The following RRP7A variants were observed in gnomAD, a reference collection of about 807,000 sequenced individuals.
The protein encoded by RRP7A is ribosomal RNA-processing protein 7 homolog A.
In RRP7A, 27 loss-of-function variants were observed where a neutral mutation model predicts 38.4. The ratio of observed to expected loss-of-function variants is 0.70; its 90% CI spans 0.52 to 0.97. The LOEUF (loss-of-function observed/expected upper bound fraction) is 0.97. Among genes scored for constraint, RRP7A ranks in the 50% least tolerant of loss-of-function variants. The pLI, the probability that RRP7A is intolerant of heterozygous loss-of-function variation, is 0.00. For synonymous variants in RRP7A, 124 were observed against 150.3 expected (o/e 0.83, Z 1.28); for missense variants, 327 against 375.4 (o/e 0.87, Z 1.07).
rs1323513770 is a variant in RRP7A, at chr22:42,512,475, G to C, written c.*435C>G. The C allele has an allele frequency of 1.7e-6, 1 of 574,188 alleles. No individual in the cohort carries two copies. The highest frequency in any genetic ancestry group is 3.1e-6 in the Non-Finnish European group (1 of 324,518). The allele number at this position is 574,188 out of a possible 1,614,324, so 35.6% of individuals were successfully genotyped here. A position where few individuals can be genotyped will look rare whatever the true frequency, so the allele number is the denominator to read the frequency against. Reference sequence around the variant, plus strand: ...TCTCCTGGCTAATAATCTCCAGCCAGCTGGAGGAAGGAAGGGCGGGCTGGG... The same window carrying C: ...TCTCCTGGCTAATAATCTCCAGCCACCTGGAGGAAGGAAGGGCGGGCTGGG... On this transcript the variant is annotated 3_prime_UTR_variant, in exon 7 of 7. Transcript: ENST00000323013.
Position 42,511,821 on chromosome 22 carries a change from C to A in RRP7A, c.*1089G>T. On this transcript the variant is annotated 3_prime_UTR_variant, in exon 7 of 7. Coordinates refer to ENST00000323013, the MANE Select transcript of RRP7A (RefSeq NM_015703.5). ...TCATTATCTTTTCTCACGAGGACTA[C>A]TTCGGATACAATCACAGCAACCCTG... 1 of 399,936 alleles carries A rather than the reference C, an allele frequency of 2.5e-6. No homozygotes were observed. The highest frequency in any genetic ancestry group is 4.7e-6 in the Non-Finnish European group (1 of 214,492). The allele number at this position is 399,936 out of a possible 1,614,324, so 24.8% of individuals were successfully genotyped here. A position where few individuals can be genotyped will look rare whatever the true frequency, so the allele number is the denominator to read the frequency against.
In RRP7A at chr22:42,514,487, C is replaced by A. The variant is rs191701695; in HGVS notation, c.559-183G>T. Among the ~76,000 whole-genome samples the A allele has an allele frequency of 3.8e-3, 576 of 152,234 alleles. 9 individuals carry two copies. Among genetic ancestry groups the A allele is most frequent in the African/African-American group, 0.013 (558 of 41,548 alleles). On this transcript the variant is annotated intron_variant, in intron 5 of 6. Transcript: ENST00000323013. ...GAGGGCACGGACCTGCCGGCACTGC[C>A]TCCTTCTCCACTGTAGGACATGTGG...
In RRP7A at chr22:42,511,651, G is replaced by C. The variant is rs1418100785; in HGVS notation, c.*1259C>G. On this transcript the variant is annotated 3_prime_UTR_variant, in exon 7 of 7. Transcript: ENST00000323013. ...ACTTACACCTGACCCTGGGGCCTCTGCAGTTTTCTTGGCGTTGTCACCACA... is the reference window on the plus strand; with the variant it reads ...ACTTACACCTGACCCTGGGGCCTCTCCAGTTTTCTTGGCGTTGTCACCACA... 3 of 177,752 alleles carry C rather than the reference G, an allele frequency of 1.7e-5. No homozygotes were observed. The Admixed American group carries it at 1.7e-4, about 10-fold the overall frequency. The allele number at this position is 177,752 out of a possible 1,614,324, so 11.0% of individuals were successfully genotyped here. A position where few individuals can be genotyped will look rare whatever the true frequency, so the allele number is the denominator to read the frequency against.
Position 42,512,611 on chromosome 22 carries a change from A to G in RRP7A, c.*299T>C, listed in dbSNP as rs2146618483. 2 of 557,036 alleles carry G rather than the reference A, an allele frequency of 3.6e-6. No homozygotes were observed. Among genetic ancestry groups the G allele is most frequent in the East Asian group, 6.1e-5 (2 of 32,984 alleles). 34.5% of individuals were successfully genotyped at this position (557,036 alleles called of 1,614,324 possible). A position where few individuals can be genotyped will look rare whatever the true frequency, so the allele number is the denominator to read the frequency against. Reference sequence around the variant, plus strand: ...AGCAAGGGCTTTTGCATTGAGGGAAAAGGAAGCACAGAACGGATTCATCCA... The same window carrying G: ...AGCAAGGGCTTTTGCATTGAGGGAAGAGGAAGCACAGAACGGATTCATCCA... On this transcript the variant is annotated 3_prime_UTR_variant, in exon 7 of 7. Transcript: ENST00000323013.
At chr22:42,516,961 G>T (rs1920931574) in intron 2 of RRP7A, among the ~76,000 whole-genome samples, 1 of 152,074 alleles carries the variant, frequency 6.6e-6, no homozygotes, top group African/African-American at 2.4e-5. Flanking sequence ...ACAAATTAGG[G>T]TTTCTTTTTT....
Position 42,518,107 on chromosome 22 carries a change from G to A in RRP7A, c.114C>T (p.His38=), listed in dbSNP as rs563354485. 1 of 1,613,742 alleles carries A rather than the reference G, an allele frequency of 6.2e-7. No homozygotes were observed. The highest frequency in any genetic ancestry group is 1.3e-5 in the African/African-American group (1 of 74,904). Residue 38 remains histidine, a synonymous_variant, in exon 2 of 7, where the codon CAC becomes CAT. Transcript: ENST00000323013. ...IKFSEKQQAS[H]YLYVRAHGVR... is the part of the protein sequence containing the mutation. ...CGCCGTGTGCTCTCACATAGAGGTAGTGAGAAGCCTGTTGCTTTTCAGAGA... is the reference window on the plus strand; with the variant it reads ...CGCCGTGTGCTCTCACATAGAGGTAATGAGAAGCCTGTTGCTTTTCAGAGA...
rs373745909 is a variant in RRP7A, at chr22:42,512,907, A to G, written c.*3T>C. Reference sequence around the variant, plus strand: ...TCCAGCCATTCACTGCGGCTCTCACAGCTCAGTACGGTCGGAATTTGCGCT... The same window carrying G: ...TCCAGCCATTCACTGCGGCTCTCACGGCTCAGTACGGTCGGAATTTGCGCT... On this transcript the variant is annotated 3_prime_UTR_variant, in exon 7 of 7. Transcript: ENST00000323013. 8.0e-4 allele frequency: 1,297 copies of G among 1,611,596 alleles called. 12 individuals are homozygous for G. In the South Asian group the frequency reaches 9.2e-3, roughly 11 times the overall value.
Position 42,512,760 on chromosome 22 carries a change from G to A in RRP7A, c.*150C>T, listed in dbSNP as rs1932507838. ...GGGGTGGCCTGGTCCTTCCCTCCTG[G>A]CCTGTGTGGACTCTGATGGGGCTGT... On this transcript the variant is annotated 3_prime_UTR_variant, in exon 7 of 7. Coordinates refer to ENST00000323013, the MANE Select transcript of RRP7A (RefSeq NM_015703.5). 2 of 794,280 alleles carry A rather than the reference G, an allele frequency of 2.5e-6. No homozygotes were observed. Among genetic ancestry groups the A allele is most frequent in the African/African-American group, 1.7e-5 (1 of 59,288 alleles). 49.2% of individuals were successfully genotyped at this position (794,280 alleles called of 1,614,324 possible).
chr22:42,510,666 ACT>A lies in RRP7A; in HGVS notation c.*2242_*2243del. On this transcript the variant is annotated 3_prime_UTR_variant, in exon 7 of 7. Transcript: ENST00000323013. ...GGATATTTTGATCCAAGAGAGAATT[ACT>A]CTGACAAGGAGTCCCTGTCGTTCAT... The A allele has an allele frequency of 7.2e-7, 1 of 1,396,728 alleles. No individual in the cohort carries two copies. The highest frequency in any genetic ancestry group is 9.9e-7 in the Non-Finnish European group (1 of 1,006,760). The allele number at this position is 1,396,728 out of a possible 1,614,324, so 86.5% of individuals were successfully genotyped here. A position where few individuals can be genotyped will look rare whatever the true frequency, so the allele number is the denominator to read the frequency against.
chr22:42,517,907 C>G, intron 2 of RRP7A, 98 bp downstream of exon 2: 1 of 1,394,976 alleles, frequency 7.2e-7, no homozygotes, highest in Non-Finnish European at 9.9e-7. Flanking sequence ...CTGGGGCTCC[C>G]ATTAGCTGTG....
chr22:42,518,538 T>C, intron 1 of RRP7A: 3 of 438,268 alleles, frequency 6.8e-6, no homozygotes, highest in Admixed American at 5.0e-5. Context: ...GGATTCTCTG[T>C]TCCCCCGGGT....
At position 42,509,421 on chromosome 22, in the gene RRP7A, C is replaced by T. The variant is rs1932374041; in HGVS notation, c.*3489G>A. ...AGTCTCGACTCACTGCAACCTCTGC[C>T]TCCTGGATTCAAACGATTCTCCTGC... On this transcript the variant is annotated 3_prime_UTR_variant, in exon 7 of 7. Coordinates refer to ENST00000323013, the MANE Select transcript of RRP7A (RefSeq NM_015703.5). 6.6e-6 allele frequency among the ~76,000 whole-genome samples: 1 copy of T among 150,922 alleles called. No individual in the cohort carries two copies. The highest frequency in any genetic ancestry group is 2.1e-4 in the South Asian group (1 of 4,814).
rs1186877608 is a variant in RRP7A at position 42,511,793 on chromosome 22, A to G, written c.*1117T>C. ...CACAAGTCTGCAGGCTGCTCACGTC[A>G]TCTCATTATCTTTTCTCACGAGGAC... On this transcript the variant is annotated 3_prime_UTR_variant, in exon 7 of 7. Transcript: ENST00000323013. 1 of 271,840 alleles carries G rather than the reference A, an allele frequency of 3.7e-6. No individual in the cohort carries two copies. Among genetic ancestry groups the G allele is most frequent in the Non-Finnish European group, 7.2e-6 (1 of 139,840 alleles). 16.8% of individuals were successfully genotyped at this position (271,840 alleles called of 1,614,324 possible).
At chr22:42,517,395 G>A (rs867588295) in intron 2 of RRP7A, among the ~76,000 whole-genome samples, 5 of 149,866 alleles carry the variant, frequency 3.3e-5, no homozygotes, top group African/African-American at 7.4e-5. Flanking sequence ...TAGAATTAGA[G>A]GCACTTTTTA....
Position 42,512,242 on chromosome 22 carries a change from G to C in RRP7A, c.*668C>G. On this transcript the variant is annotated 3_prime_UTR_variant, in exon 7 of 7. Transcript: ENST00000323013. ...ACGCTCCCAGCCCAGCTGTAGCTCT[G>C]GGCCTGGAACTATGAAGACCTAGTG... The C allele has an allele frequency of 6.2e-7, 1 of 1,612,656 alleles. No individual in the cohort carries two copies. The highest frequency in any genetic ancestry group is 8.5e-7 in the Non-Finnish European group (1 of 1,178,862).
At chr22:42,516,203 T>A (rs776625034) in intron 2 of RRP7A, 67 bp from the exon 3 acceptor site, 1 of 1,590,274 alleles carries the variant, frequency 6.3e-7, no homozygotes, top group Non-Finnish European at 8.6e-7. Flanking sequence ...CCCTGCACCA[T>A]GGGTGGCGCT....
chr22:42,510,665 T>C lies in RRP7A; in HGVS notation c.*2245A>G, dbSNP rs560965992. The C allele has an allele frequency of 3.6e-6, 5 of 1,398,922 alleles. No homozygotes were observed. In the African/African-American group the frequency reaches 7.2e-5, roughly 20 times the overall value. 86.7% of individuals were successfully genotyped at this position (1,398,922 alleles called of 1,614,324 possible). On this transcript the variant is annotated 3_prime_UTR_variant, in exon 7 of 7. Transcript: ENST00000323013. ...CGGATATTTTGATCCAAGAGAGAAT[T>C]ACTCTGACAAGGAGTCCCTGTCGTT...
rs200650036 is a variant in RRP7A, at chr22:42,516,005, G to A, written c.342+6C>T. 18 of 1,585,960 alleles carry A rather than the reference G, an allele frequency of 1.1e-5. No homozygotes were observed. In the African/African-American group the frequency reaches 2.3e-4, roughly 20 times the overall value. On this transcript the variant is annotated splice_donor_region_variant and intron_variant, in intron 3 of 6. Transcript: ENST00000323013. ...CTCTAGTGGAACCCCGGGCTTGGCG[G>A]CTCACCGGAACTGGCTTGGGATGAA... is the stretch of plus-strand genomic sequence containing the variant.
intron 6 of RRP7A, 145 bp from the exon 7 acceptor site, chr22:42,513,140 G>C (rs995547983): frequency 1.5e-5 from 11 of 726,858 alleles, no homozygotes; most frequent in African/African-American, 8.8e-5. Context: ...GCTCTGCTGT[G>C]GGGGCAGGGT....
Sources: gnomAD v4.1 joint callset for allele counts (sites outside exome capture counted in the v4.1 genomes callset) on GRCh38, gnomAD v4.1.1 for gene constraint, MANE v1.5 for transcripts, NCBI Gene and HGNC (gene_info 2026-07-23, HGNC 2026-07-21) for gene names.